The following ABHD12 variants were observed in gnomAD, a reference collection of about 807,000 sequenced individuals.
ABHD12 encodes the protein lysophosphatidylserine lipase ABHD12.
ABHD12 carries 43 observed loss-of-function variants against 58.3 expected under a neutral mutation model. That is an observed-to-expected ratio of 0.74 (90% confidence interval 0.58 to 0.95). The LOEUF is 0.95. ABHD12 is among the 40% of genes least tolerant of loss of function. The pLI, the probability that ABHD12 is intolerant of heterozygous loss-of-function variation, is 0.00. For synonymous variants in ABHD12, 219 were observed against 211.2 expected (o/e 1.04, Z -0.32); for missense variants, 539 against 537.2 (o/e 1.00, Z -0.03).
intron 1 of ABHD12, among the ~76,000 whole-genome samples, chr20:25,370,827 ATTC>A (rs1227230989): frequency 2.0e-5 from 3 of 150,598 alleles, no homozygotes; most frequent in Middle Eastern, 6.8e-3. Flanking sequence ...ATTTTTATTA[ATTC>A]TTCTTGTGCC....
At position 25,300,832 on chromosome 20, in the gene ABHD12, C is replaced by A. The variant is rs566046493; in HGVS notation, c.*13G>T. The A allele has an allele frequency of 1.1e-4, 177 of 1,614,084 alleles. No individual in the cohort carries two copies. The Middle Eastern group carries it at 1.5e-3, about 14-fold the overall frequency. On this transcript the variant is annotated 3_prime_UTR_variant, in exon 13 of 13. Coordinates refer to ENST00000339157, the MANE Select transcript of ABHD12 (RefSeq NM_001042472.3). ...AGGGCAGAGGTCTTCATGCTTCCTT[C>A]CCACGGCCAGGCTCAGTGCTGGTGC...
rs201094435 is a variant in ABHD12, at chr20:25,370,849, CT to C, written c.191+19663del. On this transcript the variant is annotated intron_variant, in intron 1 of 12. Transcript: ENST00000339157. ...TTAATTCTTCTTGTGCCTTTATTGA[CT>C]TTTTTTTTTTTTTTTGGTAGAGACA... Among the ~76,000 whole-genome samples the C allele has an allele frequency of 4.1e-3, 570 of 139,310 alleles. 1 individual carries two copies. Among genetic ancestry groups the C allele is most frequent in the Middle Eastern group, 0.011 (3 of 266 alleles). The allele number at this position is 139,310 out of a possible 152,430, so 91.4% of individuals were successfully genotyped here.
rs555299807 is a variant in ABHD12, at chr20:25,362,040, C to T, written c.192-22689G>A. ...CTGTAATCCCAGCACGTTTGGAGAT[C>T]GAGGCGGGTGGATCACATGAGGTCA... On this transcript the variant is annotated intron_variant, in intron 1 of 12. Transcript: ENST00000339157. Among the ~76,000 whole-genome samples, 242 of 151,230 alleles carry T rather than the reference C, an allele frequency of 1.6e-3. 1 individual carries two copies. Among genetic ancestry groups the T allele is most frequent in the African/African-American group, 5.5e-3 (228 of 41,176 alleles).
chr20:25,348,900 G>T (rs1295453867), intron 1 of ABHD12, among the ~76,000 whole-genome samples: 1 of 151,810 alleles, frequency 6.6e-6, no homozygotes, highest in Non-Finnish European at 1.5e-5. Context: ...GGCTAACACG[G>T]TGAAACCCCG....
chr20:25,337,403 C>A (rs530089753), intron 2 of ABHD12, among the ~76,000 whole-genome samples: 1 of 152,242 alleles, frequency 6.6e-6, no homozygotes, highest in African/African-American at 2.4e-5. Context: ...CCCAGCCCTC[C>A]TCTCCCATGC....
chr20:25,328,869 A>G (rs2089219385), intron 2 of ABHD12, among the ~76,000 whole-genome samples: 1 of 152,178 alleles, frequency 6.6e-6, no homozygotes, highest in African/African-American at 2.4e-5. Context: ...ATCAAGTGGC[A>G]TGGGAGGCAT....
At position 25,323,786 on chromosome 20, in the gene ABHD12, C is replaced by T. The variant is rs550992855; in HGVS notation, c.317-356G>A. Among the ~76,000 whole-genome samples, 3 of 152,268 alleles carry T rather than the reference C, an allele frequency of 2.0e-5. No individual in the cohort carries two copies. In the South Asian group the frequency reaches 6.2e-4, roughly 32 times the overall value. ...AGATGCAAATGAGGGAAGGAAAGAT[C>T]CCCAACAGGTCTGAAGGATGGGCCA... is the stretch of plus-strand genomic sequence containing the variant. On this transcript the variant is annotated intron_variant, in intron 2 of 12. Coordinates refer to ENST00000339157, the MANE Select transcript of ABHD12 (RefSeq NM_001042472.3).
rs865828027 is a variant in ABHD12 at position 25,330,268 on chromosome 20, C to T, written c.317-6838G>A. 3.3e-5 allele frequency among the ~76,000 whole-genome samples: 5 copies of T among 152,354 alleles called. No individual in the cohort carries two copies. In the South Asian group the frequency reaches 6.2e-4, roughly 19 times the overall value. On this transcript the variant is annotated intron_variant, in intron 2 of 12. Coordinates refer to ENST00000339157, the MANE Select transcript of ABHD12 (RefSeq NM_001042472.3). ...GTGCTTTTCCGACTGGCTTAAAAAA[C>T]GGCACAACAGGAGATTATATCCCGC...
At chr20:25,339,560 G>T in intron 1 of ABHD12, 1 of 1,426,106 alleles carries the variant, frequency 7.0e-7, no homozygotes, top group Admixed American at 1.9e-5. Flanking sequence ...AACTCTACTG[G>T]GGGTAAGAGG....
chr20:25,366,334 G>C (rs1196600526), intron 1 of ABHD12, among the ~76,000 whole-genome samples: 1 of 151,658 alleles, frequency 6.6e-6, no homozygotes, highest in East Asian at 1.9e-4. Context: ...GGAGTGCAAT[G>C]GTGTGATCTC....
At position 25,300,444 on chromosome 20, in the gene ABHD12, T is replaced by G. The variant is rs2088614354; in HGVS notation, c.*401A>C. ...GTGCTGGGAAGGTGCAGAAAGAACC[T>G]GGACCCCACGTTCTCTGTGGGTGGT... On this transcript the variant is annotated 3_prime_UTR_variant, in exon 13 of 13. Coordinates refer to ENST00000339157, the MANE Select transcript of ABHD12 (RefSeq NM_001042472.3). 6.7e-6 allele frequency: 8 copies of G among 1,189,016 alleles called. No homozygotes were observed. The highest frequency in any genetic ancestry group is 7.4e-6 in the Non-Finnish European group (7 of 946,026). 73.7% of individuals were successfully genotyped at this position (1,189,016 alleles called of 1,614,324 possible). A position where few individuals can be genotyped will look rare whatever the true frequency, so the allele number is the denominator to read the frequency against.
chr20:25,294,966 G>A (rs980394920), exon 13 of ABHD12: 47 of 1,614,020 alleles, frequency 2.9e-5, no homozygotes, highest in Non-Finnish European at 3.9e-5. Flanking sequence ...TCACCTGTTG[G>A]CTTCAGTCAC....
At chr20:25,370,154 T>A (rs903322878) in intron 1 of ABHD12, among the ~76,000 whole-genome samples, 1 of 152,204 alleles carries the variant, frequency 6.6e-6, no homozygotes, top group African/African-American at 2.4e-5. Flanking sequence ...CTTGGGGCGC[T>A]GACTGTGGGG....
chr20:25,321,495 T>C (rs2145973925), intron 3 of ABHD12, among the ~76,000 whole-genome samples: 1 of 152,362 alleles, frequency 6.6e-6, no homozygotes, highest in South Asian at 2.1e-4. Context: ...AATGTCATTG[T>C]GACTGCCTAG....
intron 1 of ABHD12, among the ~76,000 whole-genome samples, chr20:25,365,132 C>T (rs1031626988): frequency 5.3e-5 from 8 of 152,236 alleles, no homozygotes; most frequent in Non-Finnish European, 1.0e-4. Flanking sequence ...TAATACTCTA[C>T]ATGCTCATTT....
At position 25,368,484 on chromosome 20, in the gene ABHD12, T is replaced by G. The variant is rs2500395; in HGVS notation, c.191+22029A>C. 68 of 1,560,134 alleles carry G rather than the reference T, an allele frequency of 4.4e-5. No individual in the cohort carries two copies. The East Asian group carries it at 1.5e-3, about 35-fold the overall frequency. Reference sequence around the variant, plus strand: ...CCAGCATTTGCCATGGACAAGATGCTAGGACCTGTATGCTTTAGGATGAAG... The same window carrying G: ...CCAGCATTTGCCATGGACAAGATGCGAGGACCTGTATGCTTTAGGATGAAG... On this transcript the variant is annotated intron_variant, in intron 1 of 12. Coordinates refer to ENST00000339157, the MANE Select transcript of ABHD12 (RefSeq NM_001042472.3).
downstream of ABHD12, among the ~76,000 whole-genome samples, chr20:25,299,791 C>A (rs1452684041): frequency 1.3e-5 from 2 of 152,268 alleles, no homozygotes; most frequent in African/African-American, 2.4e-5. Flanking sequence ...AGAAATGACA[C>A]CCTAATTAGG....
chr20:25,316,283 T>G (rs1182735854), intron 5 of ABHD12, among the ~76,000 whole-genome samples: 1 of 152,092 alleles, frequency 6.6e-6, no homozygotes, highest in African/African-American at 2.4e-5. Flanking sequence ...CTCAGCCTCC[T>G]GAGTAGCTGG....
At chr20:25,299,402 A>G (rs936828215), downstream of ABHD12, among the ~76,000 whole-genome samples, 112 of 152,258 alleles carry the variant, frequency 7.4e-4, no homozygotes, top group Middle Eastern at 3.4e-3. Flanking sequence ...TGTCTCAAAA[A>G]AACAAAAAAC....
Sources: gnomAD v4.1 joint callset for allele counts (sites outside exome capture counted in the v4.1 genomes callset) on GRCh38, gnomAD v4.1.1 for gene constraint, MANE v1.5 for transcripts, NCBI Gene and HGNC (gene_info 2026-07-23, HGNC 2026-07-21) for gene names.